Variants in LRRC7 observed in about 807,000 individuals in gnomAD.
LRRC7 encodes leucine rich repeat containing 7.
In LRRC7, 23 loss-of-function variants were observed where a neutral mutation model predicts 175.7. The observed-to-expected ratio is 0.13, with a 90% CI of 0.09 to 0.19. The LOEUF (loss-of-function observed/expected upper bound fraction) is 0.19, where lower values mean the gene tolerates loss of function less well. Among genes scored for constraint, LRRC7 ranks in the 10% least tolerant of loss-of-function variants. The pLI, the probability that LRRC7 is intolerant of heterozygous loss-of-function variation, is 1.00. For missense variants in LRRC7, 1,354 were observed against 1,904.7 expected (o/e 0.71, Z 5.38); for synonymous variants, 685 against 680.9 (o/e 1.01, Z -0.09).
chr1:69,912,689 G>A (rs1284372734), intron 7 of LRRC7, among the ~76,000 whole-genome samples: 1 of 152,044 alleles, frequency 6.6e-6, no homozygotes, highest in Non-Finnish European at 1.5e-5. Context: ...TTCAGTCAGT[G>A]GAAAATTCAT....
chr1:69,609,492 C>A (rs1311257423), intron 1 of LRRC7, among the ~76,000 whole-genome samples: 3 of 151,548 alleles, frequency 2.0e-5, no homozygotes, highest in African/African-American at 7.3e-5. Flanking sequence ...AAATGACCAC[C>A]GTTTATCAGA....
chr1:69,746,096 T>C (rs968834241), intron 2 of LRRC7, among the ~76,000 whole-genome samples: 5 of 151,922 alleles, frequency 3.3e-5, no homozygotes, highest in African/African-American at 1.2e-4. Context: ...TTTTCTAGGG[T>C]AATGTAACTT....
intron 7 of LRRC7, among the ~76,000 whole-genome samples, chr1:69,906,339 C>G (rs1418532951): frequency 6.6e-6 from 1 of 152,148 alleles, no homozygotes; most frequent in African/African-American, 2.4e-5. Context: ...TTGCCCTTGC[C>G]TATGTCCTGA....
chr1:69,988,623 G>A lies in LRRC7; in HGVS notation c.931+2237G>A, dbSNP rs116372095. ...ATCAGAACTTACAAAAGATTAGGGC[G>A]GGACCTCTTTTCTGTGAAAAGGGAC... On this transcript the variant is annotated intron_variant, in intron 10 of 26. Transcript: ENST00000651989. Among the ~76,000 whole-genome samples the A allele has an allele frequency of 3.2e-3, 483 of 152,198 alleles. 3 individuals are homozygous for A. The highest frequency in any genetic ancestry group is 0.01 in the African/African-American group (432 of 41,528).
In LRRC7 at chr1:70,054,578, CTTTTTTTTTTTTTT is replaced by C. The variant is rs35639787; in HGVS notation, c.4230+1451_4230+1464del. ...TTGAATTATGGTTCTTTACACTCTA[CTTTTTTTTTTTTTT>C]TTTTTTTTTTTTTTTTTGAGACGGA... On this transcript the variant is annotated intron_variant, in intron 23 of 26. Transcript: ENST00000651989. 1.1e-4 allele frequency among the ~76,000 whole-genome samples: 6 copies of C among 53,834 alleles called. No individual in the cohort carries two copies. The East Asian group carries it at 2.1e-3, about 19-fold the overall frequency. 35.3% of individuals were successfully genotyped at this position (53,834 alleles called of 152,430 possible). A position where few individuals can be genotyped will look rare whatever the true frequency, so the allele number is the denominator to read the frequency against.
chr1:70,030,587 T>C (rs1166824495), intron 18 of LRRC7, among the ~76,000 whole-genome samples: 3 of 152,192 alleles, frequency 2.0e-5, no homozygotes, highest in Non-Finnish European at 4.4e-5. Context: ...TAAACATTTA[T>C]AATATGTTTT....
Position 70,140,643 on chromosome 1 carries a change from G to A in LRRC7, c.*18756G>A, listed in dbSNP as rs750164493. On this transcript the variant is annotated 3_prime_UTR_variant, in exon 27 of 27. Transcript: ENST00000651989. ...AGTATAATATAAAAAGTCAGGAATT[G>A]ACTACAGTTCCCTTGGCTAATGCCT... is the stretch of plus-strand genomic sequence containing the variant. 6.6e-6 allele frequency: 1 copy of A among 152,094 alleles called. No homozygotes were observed. Among genetic ancestry groups the A allele is most frequent in the Non-Finnish European group, 1.5e-5 (1 of 68,002 alleles). 9.4% of individuals were successfully genotyped at this position (152,094 alleles called of 1,614,324 possible).
chr1:70,109,200 T>C (rs974641757), intron 26 of LRRC7, among the ~76,000 whole-genome samples: 24 of 152,112 alleles, frequency 1.6e-4, no homozygotes, highest in African/African-American at 5.8e-4. Flanking sequence ...TTTTGTATTT[T>C]TAGTAGAGAC....
intron 7 of LRRC7, among the ~76,000 whole-genome samples, chr1:69,862,907 T>C (rs1684517820): frequency 6.6e-6 from 1 of 152,062 alleles, no homozygotes; most frequent in Non-Finnish European, 1.5e-5. Context: ...CTCCCACTTA[T>C]GCATGAGAAT....
chr1:69,838,358 T>G (rs769009574), intron 7 of LRRC7, 75 bp downstream of exon 7: 5 of 1,235,684 alleles, frequency 4.0e-6, no homozygotes, highest in Non-Finnish European at 5.9e-6. Flanking sequence ...ACTTTTATTT[T>G]GTCTGTGTTT....
At chr1:70,049,967 C>G (rs778806795) in intron 22 of LRRC7, among the ~76,000 whole-genome samples, 1 of 151,930 alleles carries the variant, frequency 6.6e-6, no homozygotes, top group Admixed American at 6.6e-5. Flanking sequence ...TTGCAAATTG[C>G]CAAATTCTAA....
chr1:70,016,654 C>A, intron 14 of LRRC7, 120 bp downstream of exon 14: 1 of 730,024 alleles, frequency 1.4e-6, no homozygotes, highest in Non-Finnish European at 2.0e-6. Context: ...TTGTTTTTAT[C>A]CCCAGAAAGA....
chr1:69,859,199 G>A (rs1011215092), intron 7 of LRRC7, among the ~76,000 whole-genome samples: 1 of 152,078 alleles, frequency 6.6e-6, no homozygotes, highest in Non-Finnish European at 1.5e-5. Context: ...TTCACTGAGT[G>A]TGACAAGCTG....
chr1:69,822,375 G>A (rs1377650129), intron 4 of LRRC7, among the ~76,000 whole-genome samples: 3 of 152,196 alleles, frequency 2.0e-5, no homozygotes, highest in Non-Finnish European at 2.9e-5. Flanking sequence ...AAAACACAAC[G>A]TGTTGGGAGG....
chr1:69,871,066 A>G (rs1685482002), intron 7 of LRRC7, among the ~76,000 whole-genome samples: 1 of 136,764 alleles, frequency 7.3e-6, no homozygotes, highest in South Asian at 2.6e-4. Context: ...ACTTTTAATA[A>G]TGTTATACCA....
chr1:70,046,318 CACTATT>C (rs1396443470), intron 22 of LRRC7, among the ~76,000 whole-genome samples: 1 of 152,000 alleles, frequency 6.6e-6, no homozygotes, highest in African/African-American at 2.4e-5. Context: ...AGAATGGACT[CACTATT>C]ACTGCGAGCT....
intron 1 of LRRC7, among the ~76,000 whole-genome samples, chr1:69,639,178 T>C (rs747315333): frequency 1.3e-5 from 2 of 151,806 alleles, no homozygotes; most frequent in African/African-American, 2.4e-5. Flanking sequence ...CTGTCTAAAT[T>C]ATAGGTAGTA....
rs149485304 is a variant in LRRC7 at position 69,910,291 on chromosome 1, T to C, written c.648-21216T>C. ...TTTTTAGAGGTTCCAGTTTTTCTGC[T>C]CTGTTTTTTCCCCATCTTTGTGGCT... On this transcript the variant is annotated intron_variant, in intron 7 of 26. Coordinates refer to ENST00000651989, the MANE Select transcript of LRRC7 (RefSeq NM_001370785.2). Among the ~76,000 whole-genome samples, 1,228 of 152,328 alleles carry C rather than the reference T, an allele frequency of 8.1e-3. 15 individuals are homozygous for C. The highest frequency in any genetic ancestry group is 0.027 in the African/African-American group (1,123 of 41,570).
intron 8 of LRRC7, among the ~76,000 whole-genome samples, chr1:69,958,186 T>G (rs969925443): frequency 2.0e-5 from 3 of 152,038 alleles, no homozygotes; most frequent in African/African-American, 7.2e-5. Context: ...AATTGGACTT[T>G]AATGTAAGTT....
Sources: gnomAD v4.1 joint callset for allele counts (sites outside exome capture counted in the v4.1 genomes callset) on GRCh38, gnomAD v4.1.1 for gene constraint, MANE v1.5 for transcripts, NCBI Gene and HGNC (gene_info 2026-07-23, HGNC 2026-07-21) for gene names.